MAK16: variants seen among roughly 807,000 people sequenced by gnomAD.
MAK16 encodes protein MAK16 homolog.
A neutral mutation model predicts 49.9 loss-of-function variants in MAK16; 12 were observed. The ratio of observed to expected loss-of-function variants is 0.24; its 90% CI spans 0.15 to 0.39. The LOEUF is 0.39. Ranked by LOEUF, MAK16 falls within the 10% of genes least tolerant of loss-of-function variation. The pLI is 1.00. For missense variants in MAK16, 292 were observed against 363.7 expected, an observed-to-expected ratio of 0.80 and a Z score of 1.60; for synonymous variants, 115 against 126.4, an observed-to-expected ratio of 0.91 and a Z score of 0.60.
rs997196169 is a variant in MAK16, at chr8:33,495,665, G to A, written c.522+49G>A. ...GTACTGAAATTTTAAGTGGTAGTAT[G>A]TTGCTAAGACATATTGGGAATTTTT... is the stretch of plus-strand genomic sequence containing the variant. On this transcript the variant is annotated intron_variant, in intron 7 of 9. Coordinates refer to ENST00000360128, the MANE Select transcript of MAK16 (RefSeq NM_032509.4). 4.6e-6 allele frequency: 3 copies of A among 651,678 alleles called. No homozygotes were observed. In the African/African-American group the frequency reaches 6.1e-5, roughly 13 times the overall value. 40.4% of individuals were successfully genotyped at this position (651,678 alleles called of 1,614,324 possible). A position where few individuals can be genotyped will look rare whatever the true frequency, so the allele number is the denominator to read the frequency against.
chr8:33,500,215 T>C lies in MAK16; in HGVS notation c.*1586T>C. The C allele has an allele frequency of 7.9e-7, 1 of 1,263,374 alleles. No homozygotes were observed. Among genetic ancestry groups the C allele is most frequent in the East Asian group, 2.4e-5 (1 of 41,310 alleles). The allele number at this position is 1,263,374 out of a possible 1,614,324, so 78.3% of individuals were successfully genotyped here. A position where few individuals can be genotyped will look rare whatever the true frequency, so the allele number is the denominator to read the frequency against. The stretch of plus-strand genomic sequence containing the variant: ...GGGCTCATATGGAGATCTAAAACCC[T>C]CCATGTTCATTTCCAGACTTGGTCA... On this transcript the variant is annotated 3_prime_UTR_variant, in exon 10 of 10. Transcript: ENST00000360128.
At chr8:33,490,207 A>G in intron 5 of MAK16, 78 bp from the exon 6 acceptor site, 1 of 1,239,292 alleles carries the variant, frequency 8.1e-7, no homozygotes, top group Non-Finnish European at 1.2e-6. Flanking sequence ...CACCAATTCC[A>G]ATCCTTTTTT....
intron 7 of MAK16, 80 bp from the exon 8 acceptor site, chr8:33,496,545 G>GATT: frequency 9.4e-7 from 1 of 1,058,622 alleles, no homozygotes; most frequent in Non-Finnish European, 1.4e-6. Flanking sequence ...TGAGGAAAAA[G>GATT]TAATATTCTC....
intron 6 of MAK16, among the ~76,000 whole-genome samples, chr8:33,492,044 C>T (rs368438012): frequency 4.3e-4 from 66 of 152,066 alleles, no homozygotes; most frequent in African/African-American, 1.5e-3. Context: ...GAGTCTCATT[C>T]TGTCACCCAG....
chr8:33,487,718 G>A (rs943528881), intron 1 of MAK16, among the ~76,000 whole-genome samples: 2 of 152,100 alleles, frequency 1.3e-5, no homozygotes, highest in African/African-American at 2.4e-5. Flanking sequence ...CACTACACCC[G>A]GCCCATGAGA....
intron 7 of MAK16, among the ~76,000 whole-genome samples, chr8:33,496,183 A>G (rs137993082): frequency 8.5e-4 from 129 of 152,274 alleles, no homozygotes; most frequent in African/African-American, 2.8e-3. Flanking sequence ...AGATTTCTGT[A>G]TAAAAGCCAT....
rs776466592 is a variant in MAK16 at position 33,496,732 on chromosome 8, T to A, written c.630T>A (p.Asp210Glu). 11 of 1,608,772 alleles carry A rather than the reference T, an allele frequency of 6.8e-6. No homozygotes were observed. The highest frequency in any genetic ancestry group is 9.3e-6 in the Non-Finnish European group (11 of 1,177,314). ...CTGAGGAAAAAGATGATGATGATGA[T>A]GATGAGGAAGTAAGTCTTGTTTTTG... ...SDTEEKDDDD[D>E]DEEDVGKREF... The change falls in exon 8 of 10, where the codon GAT becomes GAA. Residue 210 changes from aspartate (D) to glutamate (E), a missense_variant. Asp to Glu is a conservative substitution (Grantham distance 45, BLOSUM62 2). Transcript: ENST00000360128.
chr8:33,498,517 C>G lies in MAK16; in HGVS notation c.791C>G (p.Ala264Gly), dbSNP rs763923687. The G allele has an allele frequency of 6.2e-7, 1 of 1,613,780 alleles. No individual in the cohort carries two copies. Among genetic ancestry groups the G allele is most frequent in the Non-Finnish European group, 8.5e-7 (1 of 1,179,888 alleles). The part of the protein sequence containing the change: ...SEEEEEKALS[A>G]KHKGKMPLRG... Reference sequence around the variant, plus strand: ...GAGGAGGAAGAAAAGGCCCTTAGTGCGAAACACAAAGGCAAAATGCCCTTG... The same window carrying G: ...GAGGAGGAAGAAAAGGCCCTTAGTGGGAAACACAAAGGCAAAATGCCCTTG... Residue 264 changes from alanine to glycine, a missense_variant, in exon 10 of 10, where the codon GCG (alanine) becomes GGG (glycine). Ala to Gly is a moderately conservative substitution (Grantham distance 60). Coordinates refer to ENST00000360128, the MANE Select transcript of MAK16 (RefSeq NM_032509.4).
At chr8:33,487,634 G>A (rs937833605) in intron 1 of MAK16, among the ~76,000 whole-genome samples, 1 of 152,024 alleles carries the variant, frequency 6.6e-6, no homozygotes, top group African/African-American at 2.4e-5. Flanking sequence ...TGTTGGCCAG[G>A]CTGGCCTCAA....
In MAK16 at chr8:33,488,542, C is replaced by T; in HGVS notation, c.88C>T (p.Arg30Ter). Residue 30 changes from arginine to a stop codon, truncating the protein, a stop_gained, in exon 3 of 10, where the codon CGA (arginine) becomes TGA (stop). Coordinates refer to ENST00000360128, the MANE Select transcript of MAK16 (RefSeq NM_032509.4). LOFTEE classifies it high-confidence loss of function. Reference sequence around the variant, plus strand: ...TAGAACCAAGACTCAGAGCTTCTGCCGAAATGAATATAGCCTGACTGGACT... The same window carrying T: ...TAGAACCAAGACTCAGAGCTTCTGCTGAAATGAATATAGCCTGACTGGACT... ...KIRTKTQSFC[R>*]NEYSLTGLCN... 6.2e-7 allele frequency: 1 copy of T among 1,614,024 alleles called. No homozygotes were observed. The highest frequency in any genetic ancestry group is 8.5e-7 in the Non-Finnish European group (1 of 1,180,018).
At chr8:33,487,335 A>G (rs1808704338) in intron 1 of MAK16, among the ~76,000 whole-genome samples, 1 of 152,224 alleles carries the variant, frequency 6.6e-6, no homozygotes, top group East Asian at 1.9e-4. Context: ...TAAAGAGCAC[A>G]TTAAGTACAG....
chr8:33,487,740 T>C (rs772022497), intron 1 of MAK16, among the ~76,000 whole-genome samples: 1 of 151,854 alleles, frequency 6.6e-6, no homozygotes, highest in Non-Finnish European at 1.5e-5. Flanking sequence ...CCTTTAATAA[T>C]GGATAATGAA....
Position 33,488,938 on chromosome 8 carries a change from T to C in MAK16, c.241-50T>C, listed in dbSNP as rs557232223. The C allele has an allele frequency of 5.0e-6, 8 of 1,612,486 alleles. No homozygotes were observed. The Admixed American group carries it at 6.7e-5, about 13-fold the overall frequency. ...ATGGGTGTCACTGACAGTGAAAACC[T>C]AATGAATCATTTACACTTGCCCTTC... On this transcript the variant is annotated intron_variant, in intron 4 of 9. Transcript: ENST00000360128.
intron 6 of MAK16, 79 bp from the exon 7 acceptor site, chr8:33,495,463 C>T: frequency 8.3e-7 from 1 of 1,203,638 alleles, no homozygotes; most frequent in South Asian, 1.3e-5. Flanking sequence ...TTATAAACAA[C>T]TTGGTAGTTT....
In MAK16 at chr8:33,499,368, A is replaced by G. The variant is rs1027367309; in HGVS notation, c.*739A>G. On this transcript the variant is annotated 3_prime_UTR_variant, in exon 10 of 10. Coordinates refer to ENST00000360128, the MANE Select transcript of MAK16 (RefSeq NM_032509.4). ...ATTCTTCTTCCTTGGTATCATATTC[A>G]AAGGAGGAAAGAATGGATGACACTT... 1.8e-5 allele frequency: 17 copies of G among 925,664 alleles called. No individual in the cohort carries two copies. In the Admixed American group the frequency reaches 2.6e-4, roughly 14 times the overall value. 57.3% of individuals were successfully genotyped at this position (925,664 alleles called of 1,614,324 possible).
chr8:33,495,490 A>C (rs942372722), intron 6 of MAK16, 52 bp from the exon 7 acceptor site: 1 of 1,439,268 alleles, frequency 6.9e-7, no homozygotes, highest in East Asian at 2.3e-5. Flanking sequence ...TTTTTATAAG[A>C]TGAGTAATGA....
intron 6 of MAK16, among the ~76,000 whole-genome samples, chr8:33,494,435 C>T (rs1265239705): frequency 6.6e-6 from 1 of 152,216 alleles, no homozygotes; most frequent in Non-Finnish European, 1.5e-5. Flanking sequence ...TATAACTACT[C>T]TCTATCTTTG....
At chr8:33,488,665 CCACAGCTTT>C (rs746176110) in intron 3 of MAK16, 36 bp downstream of exon 3, 12 of 1,611,186 alleles carry the variant, frequency 7.4e-6, no homozygotes, top group Non-Finnish European at 9.3e-6. Flanking sequence ...AAGAACTGCT[CCACAGCTTT>C]TACAGGGATG....
Position 33,489,219 on chromosome 8 carries a change from C to G in MAK16, c.392+80C>G, listed in dbSNP as rs576900505. 2.3e-6 allele frequency: 3 copies of G among 1,321,208 alleles called. No homozygotes were observed. Among genetic ancestry groups the G allele is most frequent in the East Asian group, 2.3e-5 (1 of 42,850 alleles). 81.8% of individuals were successfully genotyped at this position (1,321,208 alleles called of 1,614,324 possible). A position where few individuals can be genotyped will look rare whatever the true frequency, so the allele number is the denominator to read the frequency against. ...TTGAAGTTGAGAAATTGTGAAACTT[C>G]GGGGCTTTCTATTCAACTTTGTGGA... On this transcript the variant is annotated intron_variant, in intron 5 of 9. Transcript: ENST00000360128. This position sits in a 1 kb window ranked among gnomAD's most constrained non-coding sequence, Gnocchi z 4.2.
Sources: allele counts gnomAD v4.1 joint callset (sites outside exome capture counted in the v4.1 genomes callset), GRCh38; gene constraint gnomAD v4.1.1; non-coding constraint Gnocchi (gnomAD v3.1); transcripts MANE v1.5; gene names NCBI Gene and HGNC (gene_info 2026-07-23, HGNC 2026-07-21).